Variants in PRKCA observed in about 807,000 individuals in gnomAD.
PRKCA encodes protein kinase C alpha, also known as protein kinase C alpha type.
PRKCA carries 27 observed loss-of-function variants against 87.0 expected under a neutral mutation model. That is an observed-to-expected ratio of 0.31 (90% confidence interval 0.23 to 0.43). The LOEUF (loss-of-function observed/expected upper bound fraction) is 0.43. PRKCA is among the 20% of genes least tolerant of loss of function. The pLI is 1.00. For missense variants in PRKCA, 518 were observed against 852.3 expected, an observed-to-expected ratio of 0.61 and a Z score of 4.88; for synonymous variants, 329 against 311.1, an observed-to-expected ratio of 1.06 and a Z score of -0.61.
chr17:66,569,587 C>T (rs1440916000), intron 3 of PRKCA, among the ~76,000 whole-genome samples: 3 of 127,054 alleles, frequency 2.4e-5, no homozygotes, highest in Admixed American at 8.0e-5. Context: ...AAGAAAACCT[C>T]CTCCTACAGA....
intron 2 of PRKCA, among the ~76,000 whole-genome samples, chr17:66,391,568 G>T (rs542656872): frequency 6.6e-6 from 1 of 152,260 alleles, no homozygotes; most frequent in African/African-American, 2.4e-5. Context: ...AGTTTCCGTA[G>T]TCCTCTTACT....
intron 8 of PRKCA, among the ~76,000 whole-genome samples, chr17:66,729,570 G>A (rs768314565): frequency 2.6e-5 from 4 of 152,058 alleles, no homozygotes; most frequent in Non-Finnish European, 5.9e-5. Context: ...GGCCTTCTAC[G>A]TTTCCAGTGG....
chr17:66,627,368 A>G (rs1443225221), intron 3 of PRKCA, among the ~76,000 whole-genome samples: 1 of 152,100 alleles, frequency 6.6e-6, no homozygotes, highest in Non-Finnish European at 1.5e-5. Flanking sequence ...GAGTTCTGGG[A>G]GGCATTGCTT....
Position 66,496,284 on chromosome 17 carries a change from G to A in PRKCA, c.288+1G>A. On this transcript the variant is annotated splice_donor_variant, in intron 3 of 16. Coordinates refer to ENST00000413366, the MANE Select transcript of PRKCA (RefSeq NM_002737.3). LOFTEE classifies it high-confidence loss of function. ...TGCGGATAAGGGACCCGACACTGAT[G>A]TAAGTAGTCCTGAAATCATGATTTG... The A allele has an allele frequency of 6.2e-7, 1 of 1,609,928 alleles. No homozygotes were observed. Among genetic ancestry groups the A allele is most frequent in the Non-Finnish European group, 8.5e-7 (1 of 1,176,350 alleles).
At chr17:66,505,251 G>A (rs1050476959) in intron 3 of PRKCA, among the ~76,000 whole-genome samples, 4 of 152,148 alleles carry the variant, frequency 2.6e-5, no homozygotes, top group East Asian at 1.9e-4. Context: ...ATCCTCATCC[G>A]TAGTTCTGAT....
intron 4 of PRKCA, 152 bp from the exon 5 acceptor site, chr17:66,645,231 T>C: frequency 1.0e-6 from 1 of 993,174 alleles, no homozygotes; most frequent in Non-Finnish European, 1.5e-6. Flanking sequence ...GTACAGGACA[T>C]CTGCTAACAG....
At chr17:66,546,992 A>G (rs2143181527) in intron 3 of PRKCA, among the ~76,000 whole-genome samples, 1 of 152,218 alleles carries the variant, frequency 6.6e-6, no homozygotes, top group East Asian at 1.9e-4. Context: ...CATCTCCCAT[A>G]TCTGTCCCCT....
intron 2 of PRKCA, among the ~76,000 whole-genome samples, chr17:66,391,984 A>G (rs1910383885): frequency 6.6e-6 from 1 of 152,152 alleles, no homozygotes; most frequent in South Asian, 2.1e-4. Flanking sequence ...TAATCCCAGC[A>G]CTTTGGGAGG....
At chr17:66,447,624 A>G (rs1323993838) in intron 2 of PRKCA, among the ~76,000 whole-genome samples, 1 of 152,210 alleles carries the variant, frequency 6.6e-6, no homozygotes, top group Non-Finnish European at 1.5e-5. Flanking sequence ...CTGGACCTGG[A>G]CTGTGCTGCT....
chr17:66,318,057 A>C (rs1285532067), intron 2 of PRKCA, among the ~76,000 whole-genome samples: 2 of 152,226 alleles, frequency 1.3e-5, no homozygotes, highest in Non-Finnish European at 2.9e-5. Context: ...CTTCAAAATA[A>C]GATGATCATA....
rs548732845 is a variant in PRKCA, at chr17:66,691,896, C to T, written c.918+2849C>T. Among the ~76,000 whole-genome samples the T allele has an allele frequency of 1.4e-4, 21 of 152,300 alleles. No individual in the cohort carries two copies. In the East Asian group the frequency reaches 3.7e-3, roughly 27 times the overall value. ...TGACCCACTCTTTGTGCTTCATTGTCGTGGCTTCCTGGTGAGTAAACTTCC... is the reference window on the plus strand; with the variant it reads ...TGACCCACTCTTTGTGCTTCATTGTTGTGGCTTCCTGGTGAGTAAACTTCC... On this transcript the variant is annotated intron_variant, in intron 8 of 16. Coordinates refer to ENST00000413366, the MANE Select transcript of PRKCA (RefSeq NM_002737.3).
intron 13 of PRKCA, among the ~76,000 whole-genome samples, chr17:66,765,290 A>G (rs117680848): frequency 0.1 from 15,459 of 150,840 alleles, 1,038 homozygotes; most frequent in East Asian, 0.2. Flanking sequence ...ATGGGTGCCT[A>G]TAATCCCAGC....
At position 66,688,455 on chromosome 17, in the gene PRKCA, T is replaced by G; in HGVS notation, c.821+19T>G. ...GTGGATGGTATGGAAGCCGCTTAGG[T>G]TGAGTATGTCTCAAAGCATCAGACC... On this transcript the variant is annotated intron_variant, in intron 7 of 16. Coordinates refer to ENST00000413366, the MANE Select transcript of PRKCA (RefSeq NM_002737.3). The G allele has an allele frequency of 6.2e-7, 1 of 1,613,896 alleles. No individual in the cohort carries two copies. Among genetic ancestry groups the G allele is most frequent in the Non-Finnish European group, 8.5e-7 (1 of 1,179,908 alleles).
rs549115823 is a variant in PRKCA, at chr17:66,348,134, G to A, written c.205+42007G>A. The stretch of plus-strand genomic sequence containing the variant: ...TTTTTATAGTTTTAGTAGAGATGGG[G>A]TTTCACCATGTTTGCCAGGCTGGTC... On this transcript the variant is annotated intron_variant, in intron 2 of 16. Coordinates refer to ENST00000413366, the MANE Select transcript of PRKCA (RefSeq NM_002737.3). 1.2e-4 allele frequency among the ~76,000 whole-genome samples: 18 copies of A among 151,610 alleles called. No homozygotes were observed. The South Asian group carries it at 3.8e-3, about 32-fold the overall frequency.
At chr17:66,406,631 G>A (rs1488281197) in intron 2 of PRKCA, among the ~76,000 whole-genome samples, 5 of 107,426 alleles carry the variant, frequency 4.7e-5, no homozygotes, top group East Asian at 3.1e-4. Context: ...AAAAGATACC[G>A]GTGGATATGA....
chr17:66,668,501 G>A (rs1002995786), intron 5 of PRKCA, among the ~76,000 whole-genome samples: 2 of 152,174 alleles, frequency 1.3e-5, no homozygotes, highest in Non-Finnish European at 2.9e-5. Context: ...AAACACACTC[G>A]TCATTGGACT....
chr17:66,376,652 G>A (rs901741827), intron 2 of PRKCA, among the ~76,000 whole-genome samples: 1 of 152,032 alleles, frequency 6.6e-6, no homozygotes, highest in Non-Finnish European at 1.5e-5. Flanking sequence ...CGTCTGCTGG[G>A]TGAGGACCCC....
intron 2 of PRKCA, among the ~76,000 whole-genome samples, chr17:66,457,876 A>G (rs529531194): frequency 6.6e-6 from 1 of 152,250 alleles, no homozygotes; most frequent in East Asian, 1.9e-4. Flanking sequence ...AGAACGGACT[A>G]CTACAGCCAT....
In PRKCA at chr17:66,533,866, C is replaced by T. The variant is rs183887458; in HGVS notation, c.288+37583C>T. Among the ~76,000 whole-genome samples the T allele has an allele frequency of 1.7e-3, 254 of 152,294 alleles. 1 individual carries two copies. The highest frequency in any genetic ancestry group is 1.8e-3 in the Non-Finnish European group (122 of 68,034). Reference sequence around the variant, plus strand: ...GGGCAGTGCAGACAAGCCGGCTTCTCAGGCATTTAAACAAGTTGTCTGGAG... The same window carrying T: ...GGGCAGTGCAGACAAGCCGGCTTCTTAGGCATTTAAACAAGTTGTCTGGAG... On this transcript the variant is annotated intron_variant, in intron 3 of 16. Coordinates refer to ENST00000413366, the MANE Select transcript of PRKCA (RefSeq NM_002737.3).
Sources: gnomAD v4.1 joint callset for allele counts (sites outside exome capture counted in the v4.1 genomes callset) on GRCh38, gnomAD v4.1.1 for gene constraint, MANE v1.5 for transcripts, NCBI Gene and HGNC (gene_info 2026-07-23, HGNC 2026-07-21) for gene names.